Variants in LARGE1 observed in about 807,000 individuals in gnomAD.
LARGE1 encodes xylosyl- and glucuronyltransferase LARGE1.
Under a neutral mutation model 87.6 loss-of-function variants are expected in LARGE1, and 43 were observed. The ratio of observed to expected loss-of-function variants is 0.49; its 90% confidence interval spans 0.38 to 0.63. The LOEUF is 0.63. LARGE1 is among the 30% of genes least tolerant of loss of function. The pLI is 0.00. For synonymous variants in LARGE1, 434 were observed against 394.6 expected, an observed-to-expected ratio of 1.10 and a Z score of -1.18; for missense variants, 802 against 1,000.2, an observed-to-expected ratio of 0.80 and a Z score of 2.67.
chr22:33,567,205 G>T (rs9609824), intron 5 of LARGE1, among the ~76,000 whole-genome samples: 76,372 of 151,902 alleles, frequency 0.5, 19,479 homozygotes, highest in Non-Finnish European at 0.52. Flanking sequence ...TATGATGTTA[G>T]AAAAAAATGT....
intron 5 of LARGE1, among the ~76,000 whole-genome samples, chr22:33,576,664 C>T (rs998367802): frequency 6.6e-6 from 1 of 152,106 alleles, no homozygotes; most frequent in African/African-American, 2.4e-5. Flanking sequence ...TGTATACATA[C>T]CCTCTCTATC....
chr22:33,205,421 G>T (rs1924625880), intron 11 of LARGE1, among the ~76,000 whole-genome samples: 1 of 152,166 alleles, frequency 6.6e-6, no homozygotes, highest in South Asian at 2.1e-4. Context: ...AATGAAAAAG[G>T]TCTCTGTTCT....
intron 5 of LARGE1, among the ~76,000 whole-genome samples, chr22:33,589,049 C>G (rs1308703786): frequency 6.6e-6 from 1 of 152,218 alleles, no homozygotes; most frequent in Admixed American, 6.5e-5. Flanking sequence ...AAATCTGCTT[C>G]CAGGCAAACA....
Position 33,187,348 on chromosome 22 carries a change from A to G in LARGE1, c.1731-20516T>C, listed in dbSNP as rs191972733. Among the ~76,000 whole-genome samples the G allele has an allele frequency of 2.6e-5, 4 of 152,248 alleles. No homozygotes were observed. The East Asian group carries it at 7.7e-4, about 29-fold the overall frequency. ...AATCCTGTCATTTGTGACATGTACA[A>G]ACTTGGAGAACATTATGTGAAGTGA... On this transcript the variant is annotated intron_variant, in intron 11 of 11. Coordinates refer to the LARGE1 transcript ENST00000608642.
intron 1 of LARGE1, among the ~76,000 whole-genome samples, chr22:33,880,886 G>T (rs1174166424): frequency 6.6e-6 from 1 of 152,100 alleles, no homozygotes; most frequent in Non-Finnish European, 1.5e-5. Flanking sequence ...ATGGAAGCGA[G>T]ATTTATTTTA....
intron 1 of LARGE1, among the ~76,000 whole-genome samples, chr22:33,843,574 C>T (rs1220889960): frequency 1.3e-5 from 2 of 151,998 alleles, no homozygotes; most frequent in African/African-American, 4.8e-5. Context: ...CGCACTCAAA[C>T]CCTCTAGCAG....
At chr22:33,549,826 G>T (rs1368770158) in intron 6 of LARGE1, among the ~76,000 whole-genome samples, 1 of 152,210 alleles carries the variant, frequency 6.6e-6, no homozygotes, top group African/African-American at 2.4e-5. Context: ...CTATGAGTGA[G>T]AACATGCAGT....
At chr22:33,904,396 C>T (rs975130135) in intron 1 of LARGE1, among the ~76,000 whole-genome samples, 5 of 152,132 alleles carry the variant, frequency 3.3e-5, no homozygotes, top group Non-Finnish European at 5.9e-5. Context: ...CCTCGTGGTC[C>T]CCCCGCCTCG....
intron 1 of LARGE1, among the ~76,000 whole-genome samples, chr22:33,807,490 A>C (rs1418046138): frequency 1.3e-5 from 2 of 152,330 alleles, no homozygotes; most frequent in East Asian, 3.9e-4. Context: ...TCAGAGTGGT[A>C]AGTTTCTTAC....
chr22:33,378,590 A>G (rs1181425942), intron 9 of LARGE1, among the ~76,000 whole-genome samples: 2 of 152,224 alleles, frequency 1.3e-5, no homozygotes, highest in African/African-American at 4.8e-5. Flanking sequence ...TTATACAGTT[A>G]CCTATTGAGA....
chr22:33,473,555 C>T lies in LARGE1; in HGVS notation c.788-41290G>A, dbSNP rs192864489. On this transcript the variant is annotated intron_variant, in intron 6 of 14. Transcript: ENST00000397394. ...TTTTTAGTAGAGACGAGGTTTCACC[C>T]TGTTGGTCAGGCTGGTCTTGAACTC... Among the ~76,000 whole-genome samples the T allele has an allele frequency of 1.9e-3, 290 of 152,172 alleles. 4 individuals are homozygous for T. The highest frequency in any genetic ancestry group is 2.1e-4 in the Non-Finnish European group (14 of 67,978).
At chr22:33,616,229 G>A (rs749112725) in intron 4 of LARGE1, among the ~76,000 whole-genome samples, 5 of 152,102 alleles carry the variant, frequency 3.3e-5, no homozygotes, top group South Asian at 4.1e-4. Flanking sequence ...GTGGATGGCC[G>A]GGCACTGTGG....
At chr22:33,869,104 T>C (rs1052878048) in intron 1 of LARGE1, among the ~76,000 whole-genome samples, 1 of 152,110 alleles carries the variant, frequency 6.6e-6, no homozygotes, top group African/African-American at 2.4e-5. Flanking sequence ...GGGAGACCCT[T>C]TCATTTGAAA....
chr22:33,565,229 G>A (rs2077987555), intron 5 of LARGE1, among the ~76,000 whole-genome samples: 1 of 152,046 alleles, frequency 6.6e-6, no homozygotes, highest in Non-Finnish European at 1.5e-5. Context: ...CTGAATTAAG[G>A]GAGAGGAAAA....
intron 6 of LARGE1, among the ~76,000 whole-genome samples, chr22:33,434,016 C>T (rs946756675): frequency 6.6e-6 from 1 of 152,196 alleles, no homozygotes; most frequent in African/African-American, 2.4e-5. Flanking sequence ...ATGATGACAT[C>T]TAAAACTTGT....
chr22:33,660,001 C>T (rs1012812600), intron 2 of LARGE1, among the ~76,000 whole-genome samples: 17 of 151,308 alleles, frequency 1.1e-4, no homozygotes, highest in African/African-American at 3.7e-4. Flanking sequence ...TGTGTTCTAA[C>T]GAGCAATGAT....
chr22:33,551,222 T>C (rs1469705667), intron 6 of LARGE1, among the ~76,000 whole-genome samples: 1 of 152,126 alleles, frequency 6.6e-6, no homozygotes, highest in Non-Finnish European at 1.5e-5. Flanking sequence ...CAAAGACATA[T>C]ACAGCCCAAA....
intron 1 of LARGE1, among the ~76,000 whole-genome samples, chr22:33,823,124 C>A (rs2062685927): frequency 6.6e-6 from 1 of 152,192 alleles, no homozygotes; most frequent in South Asian, 2.1e-4. Flanking sequence ...CCTAATCCAT[C>A]CTGACAAATA....
chr22:33,299,368 G>A (rs1933832894), intron 12 of LARGE1, among the ~76,000 whole-genome samples: 1 of 152,132 alleles, frequency 6.6e-6, no homozygotes, highest in Admixed American at 6.6e-5. Context: ...GCACTGAAAC[G>A]CAGGTCTGAA....
Sources: gnomAD v4.1 joint callset for allele counts (sites outside exome capture counted in the v4.1 genomes callset) on GRCh38, gnomAD v4.1.1 for gene constraint, MANE v1.5 for transcripts, NCBI Gene and HGNC (gene_info 2026-07-23, HGNC 2026-07-21) for gene names.